SBF1: variants seen among roughly 807,000 people sequenced by gnomAD.
The protein encoded by SBF1 is myotubularin-related protein 5.
In SBF1, 65 loss-of-function variants were observed where a neutral mutation model predicts 215.8. That is an observed-to-expected ratio of 0.30 (90% CI 0.25 to 0.37). The LOEUF (loss-of-function observed/expected upper bound fraction) is 0.37, where lower values mean the gene tolerates loss of function less well. Among genes scored for constraint, SBF1 ranks in the 10% least tolerant of loss-of-function variants. The pLI is 1.00. For synonymous variants in SBF1, 1,410 were observed against 1,122.8 expected, an observed-to-expected ratio of 1.26 and a Z score of -5.11; for missense variants, 2,634 against 2,667.8, an observed-to-expected ratio of 0.99 and a Z score of 0.28.
At chr22:50,469,907 CGGCAGTG>C (rs2067935776) in intron 1 of SBF1, among the ~76,000 whole-genome samples, 1 of 152,188 alleles carries the variant, frequency 6.6e-6, no homozygotes, top group Admixed American at 6.5e-5. Context: ...CCAAGGAAGT[CGGCAGTG>C]GGCAGGCTGC....
At chr22:50,468,317 G>T in intron 2 of SBF1, 59 bp downstream of exon 2, 1 of 1,509,636 alleles carries the variant, frequency 6.6e-7, no homozygotes, top group Non-Finnish European at 9.1e-7. Context: ...ACAAGGGCAG[G>T]GCTGTGCCCA....
At chr22:50,461,918 G>A (rs1393889491) in intron 20 of SBF1, 29 bp downstream of exon 20, 11 of 1,613,952 alleles carry the variant, frequency 6.8e-6, no homozygotes, top group East Asian at 2.2e-5. Flanking sequence ...ACCCATCCAA[G>A]GGGGAATCAC....
chr22:50,465,277 C>A lies in SBF1; in HGVS notation c.1141G>T (p.Gly381Cys). 6.2e-7 allele frequency: 1 copy of A among 1,610,176 alleles called. No individual in the cohort carries two copies. Among genetic ancestry groups the A allele is most frequent in the Non-Finnish European group, 8.5e-7 (1 of 1,178,794 alleles). Residue 381 changes from glycine (G) to cysteine (C), a missense_variant, in exon 11 of 41, where the codon GGC (glycine) becomes TGC (cysteine). Gly to Cys is a radical substitution (Grantham distance 159, BLOSUM62 -3). Coordinates refer to ENST00000380817, the MANE Select transcript of SBF1 (RefSeq NM_002972.4). ...ACGACGTGCAGGCACCAGCGATAGCCCTGCAGCAGCTGAGCGAACAGCCGC... is the reference window on the plus strand; with the variant it reads ...ACGACGTGCAGGCACCAGCGATAGCACTGCAGCAGCTGAGCGAACAGCCGC... Reference protein sequence around the residue: ...FLRLFAQLLQGYRWCLHVVRI... With the variant: ...FLRLFAQLLQCYRWCLHVVRI...
At chr22:50,455,836 A>G in intron 31 of SBF1, 1 of 492,302 alleles carries the variant, frequency 2.0e-6, no homozygotes, top group Non-Finnish European at 3.5e-6. Flanking sequence ...CTGTCCCTCA[A>G]GATGCCGGTG....
In SBF1 at chr22:50,448,381, G is replaced by C; in HGVS notation, c.5215C>G (p.Leu1739Val). Reference protein sequence around the residue: ...PHHRRSLGVYLQEGPVGSTLS... With the variant: ...PHHRRSLGVYVQEGPVGSTLS... Reference sequence around the variant, plus strand: ...GTGGAGCCCACGGGCCCCTCCTGCAGGTACACACCCAGCGAGCGACGGTGG... The same window carrying C: ...GTGGAGCCCACGGGCCCCTCCTGCACGTACACACCCAGCGAGCGACGGTGG... The change falls in exon 38 of 41, where the codon CTG becomes GTG. Residue 1739 changes from leucine (L) to valine (V), a missense_variant. Leu to Val is a conservative substitution (Grantham distance 32). Coordinates refer to ENST00000380817, the MANE Select transcript of SBF1 (RefSeq NM_002972.4). The C allele has an allele frequency of 6.2e-7, 1 of 1,613,964 alleles. No homozygotes were observed. The highest frequency in any genetic ancestry group is 8.5e-7 in the Non-Finnish European group (1 of 1,180,038).
Position 50,460,624 on chromosome 22 carries a change from T to G in SBF1, c.3056A>C (p.Asp1019Ala). 2 of 1,614,074 alleles carry G rather than the reference T, an allele frequency of 1.2e-6. No homozygotes were observed. Among genetic ancestry groups the G allele is most frequent in the Non-Finnish European group, 1.7e-6 (2 of 1,180,024 alleles). Reference sequence around the variant, plus strand: ...GGTGAACGCAAAGGTGGCCCTGATGTCCGGCGGGTACCGCAGCTTATGCAG... The same window carrying G: ...GGTGAACGCAAAGGTGGCCCTGATGGCCGGCGGGTACCGCAGCTTATGCAG... ...KQLHKLRYPP[D>A]IRATFAFTLG... The change falls in exon 24 of 41, where the codon GAC (aspartate) becomes GCC (alanine). Residue 1019 changes from aspartate to alanine, a missense_variant. Coordinates refer to ENST00000380817, the MANE Select transcript of SBF1 (RefSeq NM_002972.4).
chr22:50,459,322 G>A lies in SBF1; in HGVS notation c.3759C>T (p.Pro1253=). The change falls in exon 28 of 41, where the codon CCC becomes CCT. Residue 1253 remains proline, a synonymous_variant. Transcript: ENST00000380817. ...KYLQAVVSSM[P]RYADASGRNT... ...TGCGTCCCGACGCGTCGGCGTAGCG[G>A]GGCATGGAGCTGACCACAGCCTGCA... is the stretch of plus-strand genomic sequence containing the variant. 6.2e-7 allele frequency: 1 copy of A among 1,612,770 alleles called. No homozygotes were observed. Among genetic ancestry groups the A allele is most frequent in the African/African-American group, 1.3e-5 (1 of 75,054 alleles).
chr22:50,462,709 G>A lies in SBF1; in HGVS notation c.1977C>T (p.Ser659=), dbSNP rs1293587327. 6.2e-7 allele frequency: 1 copy of A among 1,611,600 alleles called. No individual in the cohort carries two copies. Among genetic ancestry groups the A allele is most frequent in the South Asian group, 1.1e-5 (1 of 90,652 alleles). The change falls in exon 18 of 41, where the codon AGC becomes AGT. Residue 659 remains serine (S), a synonymous_variant. Transcript: ENST00000380817. ...TGTATGCAAACTGCGTCACCCCCGG[G>A]CTCAGCTTCTGCAGGAGCCAGGGGA... is the stretch of plus-strand genomic sequence containing the variant. ...PLVTAFCRKL[S]PGVTQFAYSC...
intron 36 of SBF1, among the ~76,000 whole-genome samples, chr22:50,449,402 G>C (rs1236053712): frequency 6.6e-6 from 1 of 152,122 alleles, no homozygotes; most frequent in Non-Finnish European, 1.5e-5. Context: ...GGATCACGAG[G>C]TCAGGAGTTC....
At chr22:50,463,549 A>T in intron 15 of SBF1, 117 bp from the exon 16 acceptor site, 1 of 1,166,670 alleles carries the variant, frequency 8.6e-7, no homozygotes, top group Non-Finnish European at 1.2e-6. Context: ...GGGGTGTGCC[A>T]GACTCTGGGG....
intron 20 of SBF1, 24 bp downstream of exon 20, chr22:50,461,923 A>C (rs767441539): frequency 6.2e-7 from 1 of 1,613,898 alleles, no homozygotes; most frequent in Non-Finnish European, 8.5e-7. Context: ...TCCAAGGGGG[A>C]ATCACCAGCC....
intron 1 of SBF1, 104 bp downstream of exon 1, chr22:50,474,670 ACCCAGCCCCCAG>A: frequency 1.8e-6 from 1 of 550,884 alleles, no homozygotes; most frequent in Non-Finnish European, 2.5e-6. Context: ...CGGCCTCCCG[ACCCAGCCCCCAG>A]CCCTCGGCCC....
rs375865140 is a variant in SBF1, at chr22:50,464,857, G to A, written c.1393C>T (p.Arg465Cys). 7.4e-6 allele frequency: 12 copies of A among 1,613,522 alleles called. No homozygotes were observed. Among genetic ancestry groups the A allele is most frequent in the East Asian group, 4.5e-5 (2 of 44,898 alleles). ...TGCTCTGCCAGTTCCTGGACGTGAC[G>A]CAGGACACGCTGGGGGTGGTTCTCA... Reference protein sequence around the residue: ...ADENHPQRVLRHVQELAEQLY... With the variant: ...ADENHPQRVLCHVQELAEQLY... The change falls in exon 13 of 41, where the codon CGT (arginine) becomes TGT (cysteine). Residue 465 changes from arginine to cysteine, a missense_variant. Physicochemically the swap from Arg to Cys is radical, Grantham distance 180. Coordinates refer to ENST00000380817, the MANE Select transcript of SBF1 (RefSeq NM_002972.4).
chr22:50,457,054 G>T lies in SBF1; in HGVS notation c.3884C>A (p.Ser1295Tyr). 1 of 1,462,782 alleles carries T rather than the reference G, an allele frequency of 6.8e-7. No homozygotes were observed. 90.6% of individuals were successfully genotyped at this position (1,462,782 alleles called of 1,614,324 possible). A position where few individuals can be genotyped will look rare whatever the true frequency, so the allele number is the denominator to read the frequency against. The change falls in exon 29 of 41, where the codon TCC becomes TAC. Residue 1295 changes from serine (S) to tyrosine (Y), a missense_variant. Ser to Tyr is a moderately radical substitution (Grantham distance 144). Transcript: ENST00000380817. ...TLSNPMAASA[S>Y]RRTAPRGKWG... ...GGTACCTCGGGGTGCGGTCCGTCTG[G>T]AGGCCGAGGCCGCCATGGGGTTGGA...
rs758581593 is a variant in SBF1, at chr22:50,456,541, C to T, written c.4037G>A (p.Arg1346His). Residue 1346 changes from arginine (R) to histidine (H), a missense_variant, in exon 30 of 41, where the codon CGT (arginine) becomes CAT (histidine). Coordinates refer to ENST00000380817, the MANE Select transcript of SBF1 (RefSeq NM_002972.4). ...NGGPPDPGFLRPQRAALYILG... is the reference protein window; with the variant it reads ...NGGPPDPGFLHPQRAALYILG... ...GATATAGAGGGCTGCTCGCTGCGGACGCAGGAAGCCCGGGTCGGGAGGGCC... is the reference window on the plus strand; with the variant it reads ...GATATAGAGGGCTGCTCGCTGCGGATGCAGGAAGCCCGGGTCGGGAGGGCC... 183 of 1,588,818 alleles carry T rather than the reference C, an allele frequency of 1.2e-4. No homozygotes were observed. Among genetic ancestry groups the T allele is most frequent in the Non-Finnish European group, 1.4e-4 (162 of 1,168,546 alleles).
chr22:50,456,702 A>G (rs2148574947), intron 29 of SBF1, 29 bp from the exon 30 acceptor site: 1 of 1,445,774 alleles, frequency 6.9e-7, no homozygotes, highest in Non-Finnish European at 9.1e-7. Flanking sequence ...GTAAGCACCC[A>G]AAGGGGGCCA....
At chr22:50,458,925 C>T (rs887862446) in intron 28 of SBF1, among the ~76,000 whole-genome samples, 3 of 152,200 alleles carry the variant, frequency 2.0e-5, no homozygotes, top group South Asian at 2.1e-4. Flanking sequence ...GGGATGTTTC[C>T]AGGCTGTGGG....
rs143914297 is a variant in SBF1 at position 50,448,516 on chromosome 22, T to C, written c.5151+27A>G. 549 of 1,610,466 alleles carry C rather than the reference T, an allele frequency of 3.4e-4. No homozygotes were observed. The African/African-American group carries it at 6.5e-3, about 19-fold the overall frequency. On this transcript the variant is annotated intron_variant, in intron 37 of 40. Transcript: ENST00000380817. ...CTTTCTCCCAGCAACACGCCCACCG[T>C]GGACGCTCACACTGGCCCTCACTCA...
intron 1 of SBF1, among the ~76,000 whole-genome samples, chr22:50,473,580 G>A (rs977159219): frequency 1.3e-5 from 2 of 152,186 alleles, no homozygotes; most frequent in Non-Finnish European, 2.9e-5. Flanking sequence ...GCACTGAGGA[G>A]GGGCTGGAGA....
Sources: allele counts gnomAD v4.1 joint callset (sites outside exome capture counted in the v4.1 genomes callset), GRCh38; gene constraint gnomAD v4.1.1; transcripts MANE v1.5; gene names NCBI Gene and HGNC (gene_info 2026-07-23, HGNC 2026-07-21).